ZBTB10: variants seen among roughly 807,000 people sequenced by gnomAD.
The protein encoded by ZBTB10 is zinc finger and BTB domain-containing protein 10.
A neutral mutation model predicts 76.4 loss-of-function variants in ZBTB10; 32 were observed. That is an observed-to-expected ratio of 0.42 (90% CI 0.32 to 0.56). The LOEUF (loss-of-function observed/expected upper bound fraction) is 0.56. ZBTB10 is among the 20% of genes least tolerant of loss of function. The pLI is 0.14. For missense variants in ZBTB10, 1,057 were observed against 1,098.5 expected (o/e 0.96, Z 0.53); for synonymous variants, 523 against 432.9 (o/e 1.21, Z -2.58).
chr8:80,516,997 A>G lies in ZBTB10; in HGVS notation c.1961-1406A>G, dbSNP rs191178624. Among the ~76,000 whole-genome samples, 10 of 152,258 alleles carry G rather than the reference A, an allele frequency of 6.6e-5. No individual in the cohort carries two copies. In the East Asian group the frequency reaches 1.9e-3, roughly 29 times the overall value. On this transcript the variant is annotated intron_variant, in intron 3 of 5. Coordinates refer to ENST00000455036, the MANE Select transcript of ZBTB10 (RefSeq NM_001105539.3). ...AGCTTAAGCACTTTGAATTGGGAGCATGCTTATTATGGACGAGGAACAGAA... is the reference window on the plus strand; with the variant it reads ...AGCTTAAGCACTTTGAATTGGGAGCGTGCTTATTATGGACGAGGAACAGAA...
chr8:80,493,244 C>G (rs941305867), intron 1 of ZBTB10, among the ~76,000 whole-genome samples: 22 of 149,936 alleles, frequency 1.5e-4, no homozygotes, highest in African/African-American at 5.4e-4. Flanking sequence ...CACACACACA[C>G]AGCCTGAGGA....
chr8:80,503,176 C>T (rs983464411), intron 2 of ZBTB10, among the ~76,000 whole-genome samples: 1 of 152,138 alleles, frequency 6.6e-6, no homozygotes, highest in Non-Finnish European at 1.5e-5. Context: ...TCCTCAGTTT[C>T]CTCATTAAAA....
At chr8:80,507,417 C>T (rs965260575) in intron 2 of ZBTB10, among the ~76,000 whole-genome samples, 1 of 152,068 alleles carries the variant, frequency 6.6e-6, no homozygotes, top group African/African-American at 2.4e-5. Flanking sequence ...TCGAGACCAT[C>T]CTGGCTAACA....
At position 80,525,805 on chromosome 8, in the gene ZBTB10, A is replaced by G. The variant is rs1194546842; in HGVS notation, c.*6277A>G. 1 of 152,298 alleles carries G rather than the reference A, an allele frequency of 6.6e-6. No homozygotes were observed. Among genetic ancestry groups the G allele is most frequent in the East Asian group, 1.9e-4 (1 of 5,190 alleles). The allele number at this position is 152,298 out of a possible 1,614,324, so 9.4% of individuals were successfully genotyped here. A position where few individuals can be genotyped will look rare whatever the true frequency, so the allele number is the denominator to read the frequency against. On this transcript the variant is annotated 3_prime_UTR_variant, in exon 6 of 6. Coordinates refer to ENST00000455036, the MANE Select transcript of ZBTB10 (RefSeq NM_001105539.3). ...AGCTTGTTGATCAAAAGTATTTACT[A>G]AGTGAGTGACAAAAGGCACTAGCAA... is the stretch of plus-strand genomic sequence containing the variant.
Position 80,505,915 on chromosome 8 carries a change from AT to A in ZBTB10, c.1861+5557del, listed in dbSNP as rs58176444. ...GGGCGTGCACCACTATGCCTGGCTA[AT>A]TTTTTTTTTTTTTTTTTTTTTTTAA... On this transcript the variant is annotated intron_variant, in intron 2 of 5. Transcript: ENST00000455036. 8.0e-3 allele frequency among the ~76,000 whole-genome samples: 1,058 copies of A among 131,948 alleles called. 9 individuals carry two copies. Among genetic ancestry groups the A allele is most frequent in the African/African-American group, 0.02 (688 of 35,188 alleles). The allele number at this position is 131,948 out of a possible 152,430, so 86.6% of individuals were successfully genotyped here.
intron 2 of ZBTB10, among the ~76,000 whole-genome samples, chr8:80,507,589 G>A (rs548895393): frequency 2.4e-4 from 37 of 152,052 alleles, no homozygotes; most frequent in African/African-American, 8.9e-4. Context: ...ACTCCAGCCT[G>A]GGGCACAGAG....
chr8:80,486,426 T>G lies in ZBTB10; in HGVS notation c.-385T>G. On this transcript the variant is annotated 5_prime_UTR_variant, in exon 1 of 6. Coordinates refer to ENST00000455036, the MANE Select transcript of ZBTB10 (RefSeq NM_001105539.3). ...AGGATCGGTGTGTGCGCGCGCGGCT[T>G]TAAAGAGGGGGCAGCGGAGGGTCTC... is the stretch of plus-strand genomic sequence containing the variant. 1.0e-6 allele frequency: 1 copy of G among 980,902 alleles called. No homozygotes were observed. Among genetic ancestry groups the G allele is most frequent in the South Asian group, 4.7e-5 (1 of 21,122 alleles). 60.8% of individuals were successfully genotyped at this position (980,902 alleles called of 1,614,324 possible).
At chr8:80,489,544 G>A (rs957919475) in intron 1 of ZBTB10, among the ~76,000 whole-genome samples, 4 of 152,184 alleles carry the variant, frequency 2.6e-5, no homozygotes, top group Non-Finnish European at 5.9e-5. Flanking sequence ...GAATGGGAAT[G>A]CAAATTATAA....
At chr8:80,507,679 A>G (rs903442784) in intron 2 of ZBTB10, among the ~76,000 whole-genome samples, 1 of 151,968 alleles carries the variant, frequency 6.6e-6, no homozygotes, top group Non-Finnish European at 1.5e-5. Context: ...GCAGCCTCAA[A>G]TCCCTGGGCT....
At chr8:80,502,738 T>TAA (rs33919475) in intron 2 of ZBTB10, among the ~76,000 whole-genome samples, 3,569 of 145,096 alleles carry the variant, frequency 0.025, 126 homozygotes, top group African/African-American at 0.078. Flanking sequence ...GCTAAAACAG[T>TAA]AAAAAAAAAA....
chr8:80,518,928 A>T lies in ZBTB10; in HGVS notation c.2284A>T (p.Arg762Ter). Reference sequence around the variant, plus strand: ...TATTTGTGGAAAACTGTTTACTCGAAGAGAACATGTAAAAAGACATTCCCT... The same window carrying T: ...TATTTGTGGAAAACTGTTTACTCGATGAGAACATGTAAAAAGACATTCCCT... ...CDICGKLFTR[R>*]EHVKRHSLVH... The change falls in exon 5 of 6, where the codon AGA becomes TGA. Residue 762 changes from arginine to a stop codon, truncating the protein, a stop_gained. Transcript: ENST00000455036. LOFTEE classifies it high-confidence loss of function. 6.2e-7 allele frequency: 1 copy of T among 1,603,768 alleles called. No individual in the cohort carries two copies. The highest frequency in any genetic ancestry group is 8.5e-7 in the Non-Finnish European group (1 of 1,174,476).
chr8:80,498,022 A>G lies in ZBTB10; in HGVS notation c.973-1472A>G, dbSNP rs369682165. ...TTCTCATACCTGGGAGCAGCACTAT[A>G]ATTTTTAGATGGACTGGGTTAGTTT... On this transcript the variant is annotated intron_variant, in intron 1 of 5. Transcript: ENST00000455036. 6.6e-5 allele frequency among the ~76,000 whole-genome samples: 10 copies of G among 152,204 alleles called. No homozygotes were observed. The East Asian group carries it at 1.9e-3, about 29-fold the overall frequency.
intron 1 of ZBTB10, among the ~76,000 whole-genome samples, chr8:80,494,331 G>A (rs904655117): frequency 2.0e-5 from 3 of 152,134 alleles, no homozygotes; most frequent in Admixed American, 1.3e-4. Flanking sequence ...CTACAGGTGT[G>A]CTGTTTGACT....
chr8:80,515,823 C>G (rs1816312819), intron 3 of ZBTB10, among the ~76,000 whole-genome samples: 1 of 152,116 alleles, frequency 6.6e-6, no homozygotes, highest in Non-Finnish European at 1.5e-5. Context: ...TATTATTGAT[C>G]AGTAAGCACC....
At chr8:80,508,702 G>T (rs1816118389) in intron 2 of ZBTB10, among the ~76,000 whole-genome samples, 1 of 152,158 alleles carries the variant, frequency 6.6e-6, no homozygotes, top group African/African-American at 2.4e-5. Flanking sequence ...AGCATTCGTT[G>T]ACTTGCAAGA....
At chr8:80,496,346 G>A (rs922654572) in intron 1 of ZBTB10, among the ~76,000 whole-genome samples, 1 of 148,018 alleles carries the variant, frequency 6.8e-6, no homozygotes, top group Admixed American at 6.7e-5. Flanking sequence ...TTTTTTTGAA[G>A]GTCATATTTA....
intron 2 of ZBTB10, among the ~76,000 whole-genome samples, chr8:80,503,378 A>G (rs1815972596): frequency 6.6e-6 from 1 of 152,170 alleles, no homozygotes; most frequent in Non-Finnish European, 1.5e-5. Flanking sequence ...GACTGCTTGT[A>G]AAGACTTCCC....
chr8:80,511,230 T>C (rs1158132920), intron 2 of ZBTB10, among the ~76,000 whole-genome samples: 2 of 152,214 alleles, frequency 1.3e-5, no homozygotes, highest in African/African-American at 4.8e-5. Flanking sequence ...AGGTCTATAC[T>C]TGTTGTCCAT....
rs770972973 is a variant in ZBTB10, at chr8:80,487,724, C to T, written c.914C>T (p.Thr305Ile). 6.2e-7 allele frequency: 1 copy of T among 1,613,440 alleles called. No individual in the cohort carries two copies. The highest frequency in any genetic ancestry group is 1.3e-5 in the African/African-American group (1 of 75,026). ...LSRGTRNYKK[T>I]LLLRHHVSTE... ...CGAGGGACCCGCAACTACAAGAAAA[C>T]CCTCCTCCTGAGGCACCACGTCTCT... The change falls in exon 1 of 6, where the codon ACC (threonine) becomes ATC (isoleucine). Residue 305 changes from threonine (T) to isoleucine (I), a missense_variant. Physicochemically the swap from Thr to Ile is moderately conservative, Grantham distance 89. Coordinates refer to ENST00000455036, the MANE Select transcript of ZBTB10 (RefSeq NM_001105539.3).
Sources: gnomAD v4.1 joint callset for allele counts (sites outside exome capture counted in the v4.1 genomes callset) on GRCh38, gnomAD v4.1.1 for gene constraint, MANE v1.5 for transcripts, NCBI Gene and HGNC (gene_info 2026-07-23, HGNC 2026-07-21) for gene names.